Variants in PAWR observed in about 807,000 individuals in gnomAD.
PAWR encodes pro-apoptotic WT1 regulator.
In PAWR, 23 loss-of-function variants were observed where a neutral mutation model predicts 32.0. The observed-to-expected ratio is 0.72, with a 90% CI of 0.52 to 1.02. The LOEUF is 1.02. Among genes scored for constraint, PAWR ranks in the 50% least tolerant of loss-of-function variants. The pLI is 0.00. For synonymous variants in PAWR, 226 were observed against 187.1 expected (o/e 1.21, Z -1.70); for missense variants, 457 against 437.7 (o/e 1.04, Z -0.39).
rs1167160784 is a variant in PAWR, at chr12:79,590,750, C to G, written c.*1857G>C. The G allele has an allele frequency of 6.6e-6, 1 of 152,144 alleles. No homozygotes were observed. The highest frequency in any genetic ancestry group is 1.5e-5 in the Non-Finnish European group (1 of 68,048). The allele number at this position is 152,144 out of a possible 1,614,324, so 9.4% of individuals were successfully genotyped here. ...TCACAACCAAAAGCAGTTAACTATG[C>G]CTGGCATACCACCCTGTCATGTGGG... On this transcript the variant is annotated 3_prime_UTR_variant, in exon 7 of 7. Coordinates refer to ENST00000328827, the MANE Select transcript of PAWR (RefSeq NM_002583.4).
chr12:79,654,490 G>A (rs1877001640), intron 2 of PAWR, among the ~76,000 whole-genome samples: 1 of 152,028 alleles, frequency 6.6e-6, no homozygotes, highest in Admixed American at 6.5e-5. Flanking sequence ...CAAAGCTCTG[G>A]GAGAGCTGGC....
chr12:79,616,111 C>T (rs937305886), intron 3 of PAWR, among the ~76,000 whole-genome samples: 7 of 150,760 alleles, frequency 4.6e-5, no homozygotes, highest in Admixed American at 6.6e-5. Flanking sequence ...ACGGTATTTG[C>T]ATTAACATTT....
intron 4 of PAWR, among the ~76,000 whole-genome samples, chr12:79,601,770 G>A (rs73136662): frequency 0.011 from 1,682 of 152,170 alleles, 15 homozygotes; most frequent in Non-Finnish European, 0.018. Flanking sequence ...TCTTAACACC[G>A]TGTGATACAG....
rs112119098 is a variant in PAWR, at chr12:79,663,583, C to A, written c.516+26146G>T. 1.0e-2 allele frequency among the ~76,000 whole-genome samples: 1,520 copies of A among 152,142 alleles called. 36 individuals are homozygous for A. The highest frequency in any genetic ancestry group is 0.034 in the African/African-American group (1,429 of 41,506). ...GACTAGCCTGGGCAACATGGCAAAA[C>A]CCCAGCTCTACTAAAAAATACAAAA... On this transcript the variant is annotated intron_variant, in intron 2 of 6. Coordinates refer to ENST00000328827, the MANE Select transcript of PAWR (RefSeq NM_002583.4).
At chr12:79,605,250 T>C (rs1230278423) in intron 4 of PAWR, among the ~76,000 whole-genome samples, 1 of 152,160 alleles carries the variant, frequency 6.6e-6, no homozygotes, top group Non-Finnish European at 1.5e-5. Context: ...TTAGGGAATA[T>C]CATACATATT....
At chr12:79,642,077 G>A (rs928937743) in intron 2 of PAWR, among the ~76,000 whole-genome samples, 3 of 151,620 alleles carry the variant, frequency 2.0e-5, no homozygotes, top group African/African-American at 4.8e-5. Context: ...CTGCCAAACT[G>A]TAACACATTA....
rs547254147 is a variant in PAWR at position 79,592,265 on chromosome 12, A to G, written c.*342T>C. ...ATTTGAACTCATGTAAACAAAGACT[A>G]TGTATATTCCTAAGGGAGAAAATGT... On this transcript the variant is annotated 3_prime_UTR_variant, in exon 7 of 7. Coordinates refer to ENST00000328827, the MANE Select transcript of PAWR (RefSeq NM_002583.4). The G allele has an allele frequency of 1.2e-4, 28 of 225,404 alleles. No individual in the cohort carries two copies. The highest frequency in any genetic ancestry group is 8.7e-4 in the South Asian group (13 of 14,996). 14.0% of individuals were successfully genotyped at this position (225,404 alleles called of 1,614,324 possible). A position where few individuals can be genotyped will look rare whatever the true frequency, so the allele number is the denominator to read the frequency against.
At chr12:79,648,047 G>A (rs917897161) in intron 2 of PAWR, among the ~76,000 whole-genome samples, 1 of 152,204 alleles carries the variant, frequency 6.6e-6, no homozygotes, top group Non-Finnish European at 1.5e-5. Context: ...TGATCTGACA[G>A]GAGGCAGAGC....
At chr12:79,653,037 TTTTA>T (rs1457436241) in intron 2 of PAWR, among the ~76,000 whole-genome samples, 2 of 151,748 alleles carry the variant, frequency 1.3e-5, no homozygotes, top group African/African-American at 2.4e-5. Context: ...GTGTTTGTTT[TTTTA>T]TTTGTTTGTT....
intron 4 of PAWR, among the ~76,000 whole-genome samples, chr12:79,608,523 C>T (rs961916730): frequency 1.3e-5 from 2 of 152,174 alleles, no homozygotes; most frequent in African/African-American, 2.4e-5. Flanking sequence ...TGTGGACTGG[C>T]TCCTAACAGG....
chr12:79,647,633 CAG>C (rs1433439788), intron 2 of PAWR, among the ~76,000 whole-genome samples: 2 of 152,272 alleles, frequency 1.3e-5, no homozygotes, highest in East Asian at 3.9e-4. Context: ...ACATGCTAGG[CAG>C]AGTTAGGTCA....
intron 2 of PAWR, among the ~76,000 whole-genome samples, chr12:79,654,824 T>C (rs1877020847): frequency 6.6e-6 from 1 of 152,106 alleles, no homozygotes. Flanking sequence ...ACCACCCCCA[T>C]AATCCTATCA....
At chr12:79,627,502 A>C (rs1288126124) in intron 2 of PAWR, among the ~76,000 whole-genome samples, 1 of 152,128 alleles carries the variant, frequency 6.6e-6, no homozygotes, top group Non-Finnish European at 1.5e-5. Context: ...CCTTTGTCAC[A>C]TGAGTAGGTT....
intron 2 of PAWR, among the ~76,000 whole-genome samples, chr12:79,685,300 T>C (rs2136892996): frequency 6.6e-6 from 1 of 152,316 alleles, no homozygotes; most frequent in African/African-American, 2.4e-5. Context: ...GAGTCATTAT[T>C]AGTTTCTCTC....
chr12:79,603,798 C>T (rs1289835387), intron 4 of PAWR: 1 of 151,748 alleles, frequency 6.6e-6, no homozygotes, highest in African/African-American at 2.4e-5. Flanking sequence ...CCTCCGCCTC[C>T]CAAGTAGCTG....
At position 79,589,685 on chromosome 12, in the gene PAWR, C is replaced by G. The variant is rs1168799461; in HGVS notation, c.*2922G>C. The G allele has an allele frequency of 2.6e-5, 4 of 152,086 alleles. No homozygotes were observed. The highest frequency in any genetic ancestry group is 7.2e-5 in the African/African-American group (3 of 41,430). 9.4% of individuals were successfully genotyped at this position (152,086 alleles called of 1,614,324 possible). On this transcript the variant is annotated 3_prime_UTR_variant, in exon 7 of 7. Coordinates refer to ENST00000328827, the MANE Select transcript of PAWR (RefSeq NM_002583.4). ...CTCTAGAAAGATGAAATAAAGATTACTATAGCAATCTTCAATTAATTCATT... is the reference window on the plus strand; with the variant it reads ...CTCTAGAAAGATGAAATAAAGATTAGTATAGCAATCTTCAATTAATTCATT...
intron 3 of PAWR, among the ~76,000 whole-genome samples, chr12:79,613,934 TATATATATATATA>T (rs1874558570): frequency 0.05 from 199 of 3,972 alleles, 2 homozygotes; most frequent in African/African-American, 0.099. Flanking sequence ...ACCACCATTA[TATATATATATATA>T]TATATATATA....
intron 2 of PAWR, among the ~76,000 whole-genome samples, chr12:79,686,180 A>G (rs919250923): frequency 6.6e-5 from 10 of 152,132 alleles, no homozygotes; most frequent in Non-Finnish European, 1.3e-4. Flanking sequence ...CAAAGATTAC[A>G]TTTTCTATGG....
intron 4 of PAWR, among the ~76,000 whole-genome samples, chr12:79,605,469 T>G (rs1023968326): frequency 6.6e-6 from 1 of 152,066 alleles, no homozygotes; most frequent in Non-Finnish European, 1.5e-5. Context: ...ACCCTGCACC[T>G]TTGAACTATT....
Sources: gnomAD v4.1 joint callset for allele counts (sites outside exome capture counted in the v4.1 genomes callset) on GRCh38, gnomAD v4.1.1 for gene constraint, MANE v1.5 for transcripts, NCBI Gene and HGNC (gene_info 2026-07-23, HGNC 2026-07-21) for gene names.